The following CCDC6 variants were observed in gnomAD, a reference collection of about 807,000 sequenced individuals.
The protein encoded by CCDC6 is coiled-coil domain containing 6, also known as coiled-coil domain-containing protein 6.
In CCDC6, 20 loss-of-function variants were observed where a neutral mutation model predicts 56.6. That is an observed-to-expected ratio of 0.35 (90% CI 0.25 to 0.51). The LOEUF is 0.51. Ranked by LOEUF, CCDC6 falls within the 20% of genes least tolerant of loss-of-function variation. The probability of loss-of-function intolerance (pLI) is 0.95; values close to 1 mark genes in which losing one functional copy is unlikely to be tolerated. For missense variants in CCDC6, 367 were observed against 601.1 expected (o/e 0.61, Z 4.07); for synonymous variants, 241 against 234.4 (o/e 1.03, Z -0.26).
chr10:59,869,697 CCA>C (rs1271714729), intron 1 of CCDC6, among the ~76,000 whole-genome samples: 1 of 152,050 alleles, frequency 6.6e-6, no homozygotes, highest in Non-Finnish European at 1.5e-5. Flanking sequence ...TTCTGCACAC[CCA>C]CAGTTTTAGA....
At position 59,852,667 on chromosome 10, in the gene CCDC6, A is replaced by G. The variant is rs761792554; in HGVS notation, c.339T>C (p.Ser113=). 6.3e-7 allele frequency: 1 copy of G among 1,599,204 alleles called. No homozygotes were observed. The highest frequency in any genetic ancestry group is 1.7e-5 in the Admixed American group (1 of 57,416). ...CCTGAATTTTCTTGAATAAAGTGTT[A>G]CTAATGAATTCTTCTTCCTGCTCAG... ...ARAEQEEEFI[S]NTLFKKIQAL... The change falls in exon 2 of 9, where the codon AGT becomes AGC. Residue 113 remains serine (S), a synonymous_variant. Transcript: ENST00000263102.
At chr10:59,840,022 C>T (rs2070922735) in intron 2 of CCDC6, among the ~76,000 whole-genome samples, 1 of 152,126 alleles carries the variant, frequency 6.6e-6, no homozygotes, top group South Asian at 2.1e-4. Flanking sequence ...CACGGGGTTT[C>T]ACCATGTTGG....
At chr10:59,861,245 T>C (rs1227192079) in intron 1 of CCDC6, among the ~76,000 whole-genome samples, 1 of 151,832 alleles carries the variant, frequency 6.6e-6, no homozygotes, top group Non-Finnish European at 1.5e-5. Flanking sequence ...TGTAGTCCAC[T>C]TACTCAGCAG....
chr10:59,793,776 A>AAG (rs1349574195), intron 8 of CCDC6, among the ~76,000 whole-genome samples: 2 of 137,112 alleles, frequency 1.5e-5, no homozygotes, highest in African/African-American at 7.1e-5. Flanking sequence ...AGAGTGAGGA[A>AAG]AAAAAAAAAA....
At position 59,869,848 on chromosome 10, in the gene CCDC6, C is replaced by T. The variant is rs566330022; in HGVS notation, c.304-17146G>A. On this transcript the variant is annotated intron_variant, in intron 1 of 8. Transcript: ENST00000263102. Reference sequence around the variant, plus strand: ...CCTCTGCCTGCCTCTTGCCCCGACACCCACGACACTCCAGCCACTCCAGCA... The same window carrying T: ...CCTCTGCCTGCCTCTTGCCCCGACATCCACGACACTCCAGCCACTCCAGCA... Among the ~76,000 whole-genome samples, 9 of 152,282 alleles carry T rather than the reference C, an allele frequency of 5.9e-5. No homozygotes were observed. The South Asian group carries it at 1.5e-3, about 25-fold the overall frequency.
chr10:59,807,897 C>T (rs2070639966), intron 5 of CCDC6, among the ~76,000 whole-genome samples: 1 of 152,186 alleles, frequency 6.6e-6, no homozygotes, highest in Non-Finnish European at 1.5e-5. Context: ...ACACCAAGAA[C>T]CACTGTACTA....
chr10:59,844,994 A>G (rs1258445342), intron 2 of CCDC6, among the ~76,000 whole-genome samples: 2 of 152,230 alleles, frequency 1.3e-5, no homozygotes, highest in African/African-American at 4.8e-5. Flanking sequence ...TTTTAAAGTA[A>G]TTACTGACTG....
chr10:59,792,985 C>T lies in CCDC6; in HGVS notation c.1357G>A (p.Val453Ile), dbSNP rs1442888445. The T allele has an allele frequency of 1.2e-6, 2 of 1,612,860 alleles. No individual in the cohort carries two copies. The highest frequency in any genetic ancestry group is 2.2e-5 in the South Asian group (2 of 90,904). ...GGCTGCGAGGTGGCTGCTGAGGGGACCGTGGGCTGCATGGGTGGCGGAGGT... is the reference window on the plus strand; with the variant it reads ...GGCTGCGAGGTGGCTGCTGAGGGGATCGTGGGCTGCATGGGTGGCGGAGGT... ...PPPPPPMQPTVPSAATSQPTP... is the reference protein window; with the variant it reads ...PPPPPPMQPTIPSAATSQPTP... Residue 453 changes from valine to isoleucine, a missense_variant, in exon 9 of 9, where the codon GTC becomes ATC. Physicochemically the swap from Val to Ile is conservative, Grantham distance 29 (BLOSUM62 3). This residue lies in a region of CCDC6 where 54 missense variants were observed against 60.0 expected (regional missense o/e 0.90). Coordinates refer to ENST00000263102, the MANE Select transcript of CCDC6 (RefSeq NM_005436.5).
intron 1 of CCDC6, among the ~76,000 whole-genome samples, chr10:59,855,755 G>A (rs1047303852): frequency 1.6e-4 from 24 of 152,190 alleles, no homozygotes; most frequent in Non-Finnish European, 1.0e-4. Flanking sequence ...GAATGTTACA[G>A]CATGTGAATT....
At chr10:59,868,502 T>C (rs2071197222) in intron 1 of CCDC6, among the ~76,000 whole-genome samples, 1 of 152,202 alleles carries the variant, frequency 6.6e-6, no homozygotes, top group African/African-American at 2.4e-5. Flanking sequence ...CTTCCCTGGA[T>C]GAAAGCCTCT....
intron 1 of CCDC6, among the ~76,000 whole-genome samples, chr10:59,904,006 C>G (rs1045897589): frequency 2.0e-5 from 3 of 152,178 alleles, no homozygotes; most frequent in African/African-American, 7.2e-5. Flanking sequence ...GTAACAACTG[C>G]CAAGTATTAG....
chr10:59,843,405 T>G (rs2070959863), intron 2 of CCDC6, among the ~76,000 whole-genome samples: 1 of 152,228 alleles, frequency 6.6e-6, no homozygotes, highest in African/African-American at 2.4e-5. Flanking sequence ...CCTATAGTTA[T>G]TCATTAGTTT....
intron 1 of CCDC6, among the ~76,000 whole-genome samples, chr10:59,889,590 C>A (rs1589063113): frequency 6.6e-6 from 1 of 152,322 alleles, no homozygotes; most frequent in East Asian, 1.9e-4. Flanking sequence ...CCCAAGATGC[C>A]TCACTGCCCT....
At chr10:59,850,767 T>C (rs1202514903) in intron 2 of CCDC6, among the ~76,000 whole-genome samples, 1 of 152,172 alleles carries the variant, frequency 6.6e-6, no homozygotes, top group Non-Finnish European at 1.5e-5. Context: ...TCCCTACATT[T>C]CTATGTCATA....
At chr10:59,878,559 G>A (rs1223907244) in intron 1 of CCDC6, among the ~76,000 whole-genome samples, 2 of 152,198 alleles carry the variant, frequency 1.3e-5, no homozygotes, top group African/African-American at 4.8e-5. Context: ...AGGGGTGCCA[G>A]AAATCAGAAG....
At chr10:59,818,632 A>G (rs1224449979) in intron 3 of CCDC6, among the ~76,000 whole-genome samples, 4 of 151,980 alleles carry the variant, frequency 2.6e-5, no homozygotes, top group Admixed American at 2.0e-4. Flanking sequence ...GCATGTCTAC[A>G]TAGTCCCTCT....
intron 3 of CCDC6, among the ~76,000 whole-genome samples, chr10:59,821,536 T>C (rs907514626): frequency 2.6e-5 from 4 of 152,216 alleles, no homozygotes; most frequent in African/African-American, 7.2e-5. Flanking sequence ...CAGGTGTTCA[T>C]AGACCACAGA....
intron 1 of CCDC6, among the ~76,000 whole-genome samples, chr10:59,900,739 T>A (rs17793093): frequency 0.028 from 4,283 of 152,342 alleles, 82 homozygotes; most frequent in Middle Eastern, 0.078. Context: ...TAGGAAGCAC[T>A]GTAAAAGACT....
chr10:59,794,220 G>A (rs2070493663), intron 8 of CCDC6, among the ~76,000 whole-genome samples: 1 of 152,238 alleles, frequency 6.6e-6, no homozygotes, highest in Non-Finnish European at 1.5e-5. Flanking sequence ...GCACTGGCCA[G>A]AGTTCAAATT....
Sources: allele counts gnomAD v4.1 joint callset (sites outside exome capture counted in the v4.1 genomes callset), GRCh38; gene constraint gnomAD v4.1.1; regional missense constraint gnomAD v4.1.1; transcripts MANE v1.5; gene names NCBI Gene and HGNC (gene_info 2026-07-23, HGNC 2026-07-21).